WSCD2: variants seen among roughly 807,000 people sequenced by gnomAD.
WSCD2 encodes the protein sialate:O-sulfotransferase 2.
WSCD2 carries 28 observed loss-of-function variants against 55.7 expected under a neutral mutation model. The ratio of observed to expected loss-of-function variants is 0.50; its 90% CI spans 0.37 to 0.69. The LOEUF (loss-of-function observed/expected upper bound fraction) is 0.69, where lower values mean the gene tolerates loss of function less well. Ranked by LOEUF, WSCD2 falls within the 30% of genes least tolerant of loss-of-function variation. The probability of loss-of-function intolerance (pLI) is 0.00; values close to 1 mark genes in which losing one functional copy is unlikely to be tolerated. For missense variants in WSCD2, 616 were observed against 762.1 expected (o/e 0.81, Z 2.26); for synonymous variants, 301 against 301.9 (o/e 1.00, Z 0.03).
At chr12:108,199,864 A>G (rs1884437651) in intron 2 of WSCD2, among the ~76,000 whole-genome samples, 1 of 152,220 alleles carries the variant, frequency 6.6e-6, no homozygotes, top group Non-Finnish European at 1.5e-5. Flanking sequence ...TAAGCACTAC[A>G]TCACGTCACT....
Position 108,152,762 on chromosome 12 carries a change from C to T in WSCD2, c.-552+22836C>T, listed in dbSNP as rs145723681. ...TATATGCTAGGTTCAGATCCCTAAA[C>T]TCAGGCAAGTGGTTTAACCTTTGTG... On this transcript the variant is annotated intron_variant, in intron 1 of 8. Transcript: ENST00000547525. Among the ~76,000 whole-genome samples the T allele has an allele frequency of 5.3e-5, 8 of 152,302 alleles. No individual in the cohort carries two copies. The East Asian group carries it at 1.5e-3, about 29-fold the overall frequency.
chr12:108,171,933 ATAT>A (rs1880294237), intron 1 of WSCD2: 1 of 152,246 alleles, frequency 6.6e-6, no homozygotes, highest in Admixed American at 6.5e-5. Flanking sequence ...ACACTGACAA[ATAT>A]TATTGATGAG....
At chr12:108,194,761 A>AT (rs1453104836) in intron 1 of WSCD2, among the ~76,000 whole-genome samples, 16 of 151,972 alleles carry the variant, frequency 1.1e-4, no homozygotes, top group African/African-American at 3.9e-4. Flanking sequence ...GAAAGAGGGG[A>AT]TTTTGCCTCT....
chr12:108,173,765 A>G (rs1421653507), intron 1 of WSCD2, among the ~76,000 whole-genome samples: 2 of 150,304 alleles, frequency 1.3e-5, no homozygotes, highest in Non-Finnish European at 3.0e-5. Flanking sequence ...ATTTGATCCA[A>G]TCAGAAGGCA....
chr12:108,223,915 A>C (rs1887799142), intron 4 of WSCD2, among the ~76,000 whole-genome samples: 1 of 152,192 alleles, frequency 6.6e-6, no homozygotes, highest in African/African-American at 2.4e-5. Context: ...CCGTGAGACC[A>C]GGATGGAGGT....
chr12:108,146,144 G>A (rs1045412406), intron 1 of WSCD2, among the ~76,000 whole-genome samples: 3 of 152,240 alleles, frequency 2.0e-5, no homozygotes, highest in South Asian at 4.1e-4. Context: ...TGTACATGAT[G>A]CAAATTGTAC....
chr12:108,235,261 A>C (rs1478301334), intron 7 of WSCD2, among the ~76,000 whole-genome samples: 1 of 152,212 alleles, frequency 6.6e-6, no homozygotes, highest in East Asian at 1.9e-4. Flanking sequence ...CCTGTGGTGT[A>C]AAATAGACAT....
At chr12:108,218,097 C>T (rs772177255) in intron 4 of WSCD2, among the ~76,000 whole-genome samples, 1 of 152,210 alleles carries the variant, frequency 6.6e-6, no homozygotes, top group Non-Finnish European at 1.5e-5. Flanking sequence ...TCTCTAGTAC[C>T]TGCAGCTCAC....
At chr12:108,199,595 T>G (rs1884397933) in intron 2 of WSCD2, among the ~76,000 whole-genome samples, 1 of 152,216 alleles carries the variant, frequency 6.6e-6, no homozygotes, top group Non-Finnish European at 1.5e-5. Context: ...GTACTTAACA[T>G]CAGATGGCGT....
intron 5 of WSCD2, 140 bp downstream of exon 5, chr12:108,225,000 G>C: frequency 7.8e-7 from 1 of 1,274,730 alleles, no homozygotes; most frequent in Non-Finnish European, 1.1e-6. Flanking sequence ...ACGTGGGAGA[G>C]GGATGTGACC....
chr12:108,213,296 G>A (rs1886448133), intron 4 of WSCD2, among the ~76,000 whole-genome samples: 1 of 152,170 alleles, frequency 6.6e-6, no homozygotes, highest in African/African-American at 2.4e-5. Flanking sequence ...CAGACCCAGA[G>A]GGCTGCGGGG....
At chr12:108,205,161 G>A (rs1831429717) in intron 2 of WSCD2, among the ~76,000 whole-genome samples, 1 of 152,074 alleles carries the variant, frequency 6.6e-6, no homozygotes, top group South Asian at 2.1e-4. Flanking sequence ...TTCACATGGG[G>A]GCATTACAAA....
chr12:108,202,992 C>G (rs543421290), intron 2 of WSCD2, among the ~76,000 whole-genome samples: 39 of 152,200 alleles, frequency 2.6e-4, no homozygotes, highest in Non-Finnish European at 5.0e-4. Flanking sequence ...GGGGAGACAT[C>G]TCCTCCCAAG....
intron 1 of WSCD2, among the ~76,000 whole-genome samples, chr12:108,190,222 T>C (rs1054105042): frequency 2.6e-5 from 4 of 152,212 alleles, no homozygotes; most frequent in Admixed American, 2.6e-4. Context: ...TGACTTCTGA[T>C]ATTTTTATTA....
At chr12:108,150,756 C>G (rs984014082) in intron 1 of WSCD2, among the ~76,000 whole-genome samples, 1 of 152,170 alleles carries the variant, frequency 6.6e-6, no homozygotes, top group Admixed American at 6.5e-5. Context: ...ACGACTGCCC[C>G]CGCACACAAG....
intron 1 of WSCD2, among the ~76,000 whole-genome samples, chr12:108,194,841 T>C (rs181224740): frequency 2.0e-5 from 3 of 152,238 alleles, no homozygotes; most frequent in African/African-American, 4.8e-5. Flanking sequence ...TGAGTGTTTG[T>C]TGGGAAAAAA....
chr12:108,152,634 G>A (rs1455014142), intron 1 of WSCD2, among the ~76,000 whole-genome samples: 5 of 152,174 alleles, frequency 3.3e-5, no homozygotes, highest in African/African-American at 1.2e-4. Flanking sequence ...AGCCCGAGGG[G>A]CCTTTGGAGG....
At chr12:108,213,867 C>T (rs891499484) in intron 4 of WSCD2, among the ~76,000 whole-genome samples, 2 of 152,166 alleles carry the variant, frequency 1.3e-5, no homozygotes, top group African/African-American at 4.8e-5. Flanking sequence ...AACACCATCT[C>T]TCTTTTAGGG....
At chr12:108,165,985 T>C (rs1879559165) in intron 1 of WSCD2, among the ~76,000 whole-genome samples, 1 of 152,182 alleles carries the variant, frequency 6.6e-6, no homozygotes, top group African/African-American at 2.4e-5. Context: ...CAAACTGAGA[T>C]TTTTTATTGA....
Sources: allele counts gnomAD v4.1 joint callset (sites outside exome capture counted in the v4.1 genomes callset), GRCh38; gene constraint gnomAD v4.1.1; transcripts MANE v1.5; gene names NCBI Gene and HGNC (gene_info 2026-07-23, HGNC 2026-07-21).